AFAP1: variants seen among roughly 807,000 people sequenced by gnomAD.
AFAP1 encodes actin filament associated protein 1.
A neutral mutation model predicts 93.9 loss-of-function variants in AFAP1; 75 were observed. That is an observed-to-expected ratio of 0.80 (90% confidence interval 0.66 to 0.97). The LOEUF is 0.97. Ranked by LOEUF, AFAP1 falls within the 50% of genes least tolerant of loss-of-function variation. The probability of loss-of-function intolerance (pLI) is 0.00; values close to 1 mark genes in which losing one functional copy is unlikely to be tolerated. For missense variants in AFAP1, 1,201 were observed against 1,050.8 expected (o/e 1.14, Z -1.98); for synonymous variants, 517 against 430.7 (o/e 1.20, Z -2.48).
intron 1 of AFAP1, among the ~76,000 whole-genome samples, chr4:7,916,322 C>T (rs1720082663): frequency 2.0e-5 from 3 of 152,150 alleles, no homozygotes; most frequent in African/African-American, 7.2e-5. Context: ...ACATCCAGTG[C>T]CATTCTGTTA....
chr4:7,853,001 G>A lies in AFAP1; in HGVS notation c.334+2465C>T, dbSNP rs1222419526. 2.6e-5 allele frequency among the ~76,000 whole-genome samples: 4 copies of A among 152,152 alleles called. No individual in the cohort carries two copies. The South Asian group carries it at 6.2e-4, about 24-fold the overall frequency. On this transcript the variant is annotated intron_variant, in intron 4 of 17. Coordinates refer to ENST00000420658, the MANE Select transcript of AFAP1 (RefSeq NM_001134647.2). Reference sequence around the variant, plus strand: ...CGTCACCCGGGCAATGGTGAATCACGTTAGGCTCAAGCGTGCGCTGCTCGT... The same window carrying A: ...CGTCACCCGGGCAATGGTGAATCACATTAGGCTCAAGCGTGCGCTGCTCGT...
intron 10 of AFAP1, among the ~76,000 whole-genome samples, chr4:7,795,405 C>CTTTTTTTTTTTTTTTTTT (rs35550085): frequency 1.6e-5 from 1 of 62,082 alleles, no homozygotes; most frequent in Non-Finnish European, 2.8e-5. Context: ...AAAACAAAAT[C>CTTTTTTTTTTTTTTTTTT]TTTTTTTTTT....
chr4:7,905,937 G>A (rs1173887297), intron 1 of AFAP1, among the ~76,000 whole-genome samples: 1 of 152,202 alleles, frequency 6.6e-6, no homozygotes, highest in Non-Finnish European at 1.5e-5. Flanking sequence ...AGGGGGACAC[G>A]CATGCAACGT....
chr4:7,894,191 C>A (rs1718635951), intron 1 of AFAP1, among the ~76,000 whole-genome samples: 1 of 152,190 alleles, frequency 6.6e-6, no homozygotes, highest in African/African-American at 2.4e-5. Context: ...CCACACCTGG[C>A]CCAAAGCCTA....
chr4:7,818,750 G>A (rs569068573), intron 7 of AFAP1, among the ~76,000 whole-genome samples: 2 of 152,286 alleles, frequency 1.3e-5, no homozygotes, highest in African/African-American at 4.8e-5. Context: ...TTTATGAAAC[G>A]CCTGCTGTAT....
chr4:7,864,163 A>ACACCTTCCCAACCT (rs1560207895), intron 3 of AFAP1, among the ~76,000 whole-genome samples: 1 of 151,792 alleles, frequency 6.6e-6, no homozygotes, highest in African/African-American at 2.4e-5. Flanking sequence ...TCTCATCACA[A>ACACCTTCCCAACCT]CCCACAGGTC....
At chr4:7,914,114 G>A (rs1276611410) in intron 1 of AFAP1, among the ~76,000 whole-genome samples, 3 of 151,810 alleles carry the variant, frequency 2.0e-5, no homozygotes, top group Admixed American at 6.6e-5. Flanking sequence ...GAGTGCAGTG[G>A]CGCGATCTCA....
At chr4:7,879,597 C>T (rs1717723845) in intron 1 of AFAP1, among the ~76,000 whole-genome samples, 1 of 152,082 alleles carries the variant, frequency 6.6e-6, no homozygotes, top group Admixed American at 6.5e-5. Flanking sequence ...GGCAAAATTA[C>T]CTGGAGGCGT....
chr4:7,809,988 A>C (rs1719870225), intron 8 of AFAP1, among the ~76,000 whole-genome samples: 1 of 152,054 alleles, frequency 6.6e-6, no homozygotes, highest in African/African-American at 2.4e-5. Context: ...CCTCCGGAGT[A>C]GCTGGGACCA....
chr4:7,899,348 T>C (rs1260017348), intron 1 of AFAP1, among the ~76,000 whole-genome samples: 1 of 152,180 alleles, frequency 6.6e-6, no homozygotes, highest in Non-Finnish European at 1.5e-5. Flanking sequence ...CTGTCACACA[T>C]ATGCCATTCA....
At chr4:7,772,167 C>G (rs990701393) in intron 16 of AFAP1, 1 of 152,218 alleles carries the variant, frequency 6.6e-6, no homozygotes, top group South Asian at 2.1e-4. Flanking sequence ...GAAGTCCAGC[C>G]GTCCCTCACT....
chr4:7,791,211 G>T (rs767726490), intron 11 of AFAP1, among the ~76,000 whole-genome samples: 1 of 152,158 alleles, frequency 6.6e-6, no homozygotes, highest in African/African-American at 2.4e-5. Flanking sequence ...AGCACTGGCA[G>T]GTCTGCCAGC....
chr4:7,888,982 G>A (rs1228279539), intron 1 of AFAP1, among the ~76,000 whole-genome samples: 1 of 151,806 alleles, frequency 6.6e-6, no homozygotes, highest in Non-Finnish European at 1.5e-5. Context: ...AGTAAAGACG[G>A]GGTTTCACCA....
In AFAP1 at chr4:7,939,171, G is replaced by C. The variant is rs1023782816; in HGVS notation, c.-3+485C>G. On this transcript the variant is annotated intron_variant, in intron 1 of 17. Transcript: ENST00000420658. This position sits in a 1 kb window ranked among gnomAD's most constrained non-coding sequence, Gnocchi z 5.6. ...AAAACACTCAGGAAGCCGTCATGCG[G>C]GGCCAAGAAAGAGCCCCCATCCAGA... 1 of 202,122 alleles carries C rather than the reference G, an allele frequency of 4.9e-6. No individual in the cohort carries two copies. The highest frequency in any genetic ancestry group is 1.0e-5 in the Non-Finnish European group (1 of 95,588). The allele number at this position is 202,122 out of a possible 1,614,324, so 12.5% of individuals were successfully genotyped here. A position where few individuals can be genotyped will look rare whatever the true frequency, so the allele number is the denominator to read the frequency against.
chr4:7,897,776 G>A (rs185695090), intron 1 of AFAP1, among the ~76,000 whole-genome samples: 28 of 152,074 alleles, frequency 1.8e-4, no homozygotes, highest in African/African-American at 5.5e-4. Flanking sequence ...CGCCTGCCTC[G>A]GCCTCCCAAA....
At chr4:7,893,580 CAA>C (rs11331784) in intron 1 of AFAP1, among the ~76,000 whole-genome samples, 15,318 of 106,208 alleles carry the variant, frequency 0.14, 1,026 homozygotes, top group South Asian at 0.19. Context: ...GACTCTGTCT[CAA>C]AAAAAAAAAA....
At chr4:7,872,150 C>G in intron 1 of AFAP1, 70 bp from the exon 2 acceptor site, 1 of 1,568,814 alleles carries the variant, frequency 6.4e-7, no homozygotes. Context: ...AATACTGAGT[C>G]TTACTCGAAG....
chr4:7,784,663 C>A (rs1043999267), intron 12 of AFAP1, among the ~76,000 whole-genome samples: 8 of 152,124 alleles, frequency 5.3e-5, no homozygotes, highest in African/African-American at 1.4e-4. Context: ...AAGGAGGAGG[C>A]GGCCAATGGG....
chr4:7,832,711 G>A (rs920983540), intron 6 of AFAP1, among the ~76,000 whole-genome samples: 8 of 146,214 alleles, frequency 5.5e-5, no homozygotes, highest in Non-Finnish European at 1.2e-4. Flanking sequence ...GCAGGACTAA[G>A]CAAAAAGAAC....
Sources: gnomAD v4.1 joint callset for allele counts (sites outside exome capture counted in the v4.1 genomes callset) on GRCh38, gnomAD v4.1.1 for gene constraint, Gnocchi (gnomAD v3.1) non-coding constraint, MANE v1.5 for transcripts, NCBI Gene and HGNC (gene_info 2026-07-23, HGNC 2026-07-21) for gene names.